The following HJURP variants were observed in gnomAD, a reference collection of about 807,000 sequenced individuals.
HJURP encodes Holliday junction recognition protein, also known as 14-3-3-associated AKT substrate.
Under a neutral mutation model 72.0 loss-of-function variants are expected in HJURP, and 49 were observed. The ratio of observed to expected loss-of-function variants is 0.68; its 90% confidence interval spans 0.54 to 0.86. The LOEUF is 0.86. HJURP is among the 40% of genes least tolerant of loss of function. HJURP has a pLI of 0.00. For synonymous variants in HJURP, 357 were observed against 347.1 expected, an observed-to-expected ratio of 1.03 and a Z score of -0.32; for missense variants, 908 against 936.3, an observed-to-expected ratio of 0.97 and a Z score of 0.39.
intron 8 of HJURP, among the ~76,000 whole-genome samples, chr2:233,839,646 A>G (rs889665300): frequency 2.0e-5 from 3 of 152,226 alleles, no homozygotes; most frequent in Admixed American, 1.3e-4. Context: ...AGCTGGACGC[A>G]CGGCAGGAGC....
At position 233,849,840 on chromosome 2, in the gene HJURP, G is replaced by A. The variant is rs1248541501; in HGVS notation, c.260C>T (p.Ala87Val). Residue 87 changes from alanine to valine, a missense_variant, in exon 4 of 9, where the codon GCG becomes GTG. Ala to Val is a moderately conservative substitution (Grantham distance 64). Transcript: ENST00000411486. ...TTGCACGGAGCCATCTGTCCTGTCC[G>A]CGGGCTTCATGGAGGAGTCCTCCAA... The part of the protein sequence containing the change: ...GEIQDSSMKP[A>V]DRTDGSVQAA... 2.6e-6 allele frequency: 4 copies of A among 1,552,138 alleles called. No individual in the cohort carries two copies. The highest frequency in any genetic ancestry group is 2.4e-5 in the East Asian group (1 of 41,148).
chr2:233,838,057 C>T (rs200885821), intron 8 of HJURP, among the ~76,000 whole-genome samples: 6 of 152,182 alleles, frequency 3.9e-5, no homozygotes, highest in East Asian at 3.9e-4. Context: ...GACGTAAAAA[C>T]GGTTCAGCAT....
Position 233,841,619 on chromosome 2 carries a change from C to G in HJURP, c.1161G>C (p.Leu387Phe), listed in dbSNP as rs1705232952. Residue 387 changes from leucine (L) to phenylalanine (F), a missense_variant, in exon 8 of 9, where the codon TTG (leucine) becomes TTC (phenylalanine). Coordinates refer to ENST00000411486, the MANE Select transcript of HJURP (RefSeq NM_018410.5). ...RKVTPSKYSSLIYFDSSATYN... is the reference protein window; with the variant it reads ...RKVTPSKYSSFIYFDSSATYN... ...ATGTTGCACTGGAGTCGAAGTAAAT[C>G]AAGGAAGAATACTTCGAGGGTGTCA... The G allele has an allele frequency of 6.2e-7, 1 of 1,614,092 alleles. No homozygotes were observed.
At position 233,841,503 on chromosome 2, in the gene HJURP, T is replaced by C. The variant is rs780294579; in HGVS notation, c.1277A>G (p.His426Arg). The C allele has an allele frequency of 3.3e-5, 54 of 1,614,112 alleles. No individual in the cohort carries two copies. The highest frequency in any genetic ancestry group is 4.2e-5 in the Non-Finnish European group (49 of 1,180,040). ...AATCTCCCTCTGACGGTTCTCTCCA[T>C]GGCCCTGTCGTATTGTTGGTCTGGA... The part of the protein sequence containing the change: ...IVSRPTIRQG[H>R]GENRQREIEI... The change falls in exon 8 of 9, where the codon CAT (histidine) becomes CGT (arginine). Residue 426 changes from histidine to arginine, a missense_variant. Coordinates refer to ENST00000411486, the MANE Select transcript of HJURP (RefSeq NM_018410.5).
In HJURP at chr2:233,841,672, A is replaced by C; in HGVS notation, c.1108T>G (p.Leu370Val). The change falls in exon 8 of 9, where the codon TTA becomes GTA. Residue 370 changes from leucine (L) to valine (V), a missense_variant. Physicochemically the swap from Leu to Val is conservative, Grantham distance 32. Transcript: ENST00000411486. ...LEVNRPQIHKLDPSWKERKVT... is the reference protein window; with the variant it reads ...LEVNRPQIHKVDPSWKERKVT... ...TTGCGCTCCTTCCAACTTGGATCTA[A>C]CTTATGGATTTGGGGTCTGTTGACT... 1 of 1,614,218 alleles carries C rather than the reference A, an allele frequency of 6.2e-7. No individual in the cohort carries two copies. Among genetic ancestry groups the C allele is most frequent in the Admixed American group, 1.7e-5 (1 of 60,026 alleles).
chr2:233,837,319 A>AACAAATACC lies in HJURP; in HGVS notation c.*257_*258insGGTATTTGT, dbSNP rs1553643892. 4 of 275,476 alleles carry AACAAATACC rather than the reference A, an allele frequency of 1.5e-5. No homozygotes were observed. The highest frequency in any genetic ancestry group is 8.2e-5 in the African/African-American group (3 of 36,520). The allele number at this position is 275,476 out of a possible 1,614,324, so 17.1% of individuals were successfully genotyped here. ...AAACAAACAAACAAACAAACAAATA[A>AACAAATACC]CCCCCCCCCAAAAAAAACACACACA... On this transcript the variant is annotated 3_prime_UTR_variant, in exon 9 of 9. Transcript: ENST00000411486.
chr2:233,844,640 G>A (rs151193597), intron 6 of HJURP, among the ~76,000 whole-genome samples: 2 of 152,172 alleles, frequency 1.3e-5, no homozygotes, highest in African/African-American at 2.4e-5. Context: ...CAGTAGATCC[G>A]TTCGTTCCTA....
intron 5 of HJURP, 32 bp from the exon 6 acceptor site, chr2:233,845,852 G>T (rs1158348129): frequency 6.9e-7 from 1 of 1,456,308 alleles, no homozygotes; most frequent in African/African-American, 1.4e-5. Flanking sequence ...GAATTTTTAA[G>T]AGCTTCTGAG....
At chr2:233,844,184 C>G in intron 7 of HJURP, 21 bp downstream of exon 7, 1 of 1,609,766 alleles carries the variant, frequency 6.2e-7, no homozygotes, top group Non-Finnish European at 8.5e-7. Flanking sequence ...ACTGTTCATA[C>G]AGTTTCTATG....
chr2:233,841,793 C>T lies in HJURP; in HGVS notation c.987G>A (p.Glu329=). 1 of 1,614,166 alleles carries T rather than the reference C, an allele frequency of 6.2e-7. No homozygotes were observed. The highest frequency in any genetic ancestry group is 8.5e-7 in the Non-Finnish European group (1 of 1,180,010). The change falls in exon 8 of 9, where the codon GAG becomes GAA. Residue 329 remains glutamate (E), a synonymous_variant. Coordinates refer to ENST00000411486, the MANE Select transcript of HJURP (RefSeq NM_018410.5). ...SSKENFIPCS[E]PVKGTGALRD... Reference sequence around the variant, plus strand: ...TTAATGCCCCTGTCCCTTTCACAGGCTCAGAGCAGGGTATGAAGTTCTCCT... The same window carrying T: ...TTAATGCCCCTGTCCCTTTCACAGGTTCAGAGCAGGGTATGAAGTTCTCCT...
chr2:233,844,285 T>G lies in HJURP; in HGVS notation c.496-2A>C, dbSNP rs769625816. The G allele has an allele frequency of 8.7e-6, 14 of 1,613,786 alleles. No homozygotes were observed. The highest frequency in any genetic ancestry group is 1.0e-5 in the Non-Finnish European group (12 of 1,179,718). The stretch of plus-strand genomic sequence containing the variant: ...CCTTCCAGCTCTGTTACCTGCACAC[T>G]GAAATCAGAGCCAGTGGTTACAAGA... On this transcript the variant is annotated splice_acceptor_variant, in intron 6 of 8. Coordinates refer to ENST00000411486, the MANE Select transcript of HJURP (RefSeq NM_018410.5). LOFTEE classifies it high-confidence loss of function.
At chr2:233,848,552 T>C (rs996148439) in intron 4 of HJURP, among the ~76,000 whole-genome samples, 3 of 152,118 alleles carry the variant, frequency 2.0e-5, no homozygotes, top group Non-Finnish European at 2.9e-5. Context: ...CAGGGATGCC[T>C]TGGCCATGAG....
chr2:233,842,036 C>G lies in HJURP; in HGVS notation c.744G>C (p.Gln248His). 6.2e-7 allele frequency: 1 copy of G among 1,614,210 alleles called. No individual in the cohort carries two copies. ...ETSSSSFLSS[Q>H]PFEDDDICNV... Reference sequence around the variant, plus strand: ...TGCAAATGTCATCATCTTCAAAGGGCTGGCTGCTTAAGAAGCTGCTGCTAC... The same window carrying G: ...TGCAAATGTCATCATCTTCAAAGGGGTGGCTGCTTAAGAAGCTGCTGCTAC... Residue 248 changes from glutamine (Q) to histidine (H), a missense_variant, in exon 8 of 9, where the codon CAG becomes CAC. This residue lies in a region of HJURP where 598 missense variants were observed against 619.5 expected (regional missense o/e 0.97). Transcript: ENST00000411486.
At chr2:233,839,066 G>A (rs1355769608) in intron 8 of HJURP, among the ~76,000 whole-genome samples, 2 of 152,258 alleles carry the variant, frequency 1.3e-5, no homozygotes, top group African/African-American at 4.8e-5. Context: ...ACTTACGTAT[G>A]TCCATCCTCA....
Position 233,836,765 on chromosome 2 carries a change from A to C in HJURP, c.*812T>G, listed in dbSNP as rs1380317912. The C allele has an allele frequency of 6.6e-6, 1 of 152,206 alleles. No individual in the cohort carries two copies. The highest frequency in any genetic ancestry group is 6.5e-5 in the Admixed American group (1 of 15,282). 9.4% of individuals were successfully genotyped at this position (152,206 alleles called of 1,614,324 possible). On this transcript the variant is annotated 3_prime_UTR_variant, in exon 9 of 9. Coordinates refer to ENST00000411486, the MANE Select transcript of HJURP (RefSeq NM_018410.5). Reference sequence around the variant, plus strand: ...CCAATGTATTCTGAATATGTGAAATATTTCATTACAAAAACGTCACCATGA... The same window carrying C: ...CCAATGTATTCTGAATATGTGAAATCTTTCATTACAAAAACGTCACCATGA...
chr2:233,852,760 G>C, intron 2 of HJURP, 140 bp from the exon 3 acceptor site: 2 of 608,940 alleles, frequency 3.3e-6, no homozygotes, highest in African/African-American at 1.8e-5. Flanking sequence ...GATACCCTGC[G>C]ATTGTTCCTC....
intron 4 of HJURP, among the ~76,000 whole-genome samples, chr2:233,849,174 GGTGGTAAAGGGAACTGGGCAAAGGGAT>G (rs1001737933): frequency 1.3e-5 from 2 of 152,174 alleles, no homozygotes; most frequent in African/African-American, 4.8e-5. Flanking sequence ...ATTTCACTCT[GGTGGTAAAGGGAACTGGGCAAAGGGAT>G]GTGGCAAGGA....
chr2:233,841,789 C>T lies in HJURP; in HGVS notation c.991G>A (p.Val331Met). 6.2e-7 allele frequency: 1 copy of T among 1,614,192 alleles called. No homozygotes were observed. Among genetic ancestry groups the T allele is most frequent in the Non-Finnish European group, 8.5e-7 (1 of 1,180,010 alleles). ...KENFIPCSEP[V>M]KGTGALRDCK... ...TCTCTTAATGCCCCTGTCCCTTTCA[C>T]AGGCTCAGAGCAGGGTATGAAGTTC... The change falls in exon 8 of 9, where the codon GTG becomes ATG. Residue 331 changes from valine to methionine, a missense_variant. This residue lies in a region of HJURP where 598 missense variants were observed against 619.5 expected (regional missense o/e 0.97). Transcript: ENST00000411486.
chr2:233,843,549 T>A (rs1358325906), intron 7 of HJURP, among the ~76,000 whole-genome samples: 1 of 152,178 alleles, frequency 6.6e-6, no homozygotes, highest in Non-Finnish European at 1.5e-5. Flanking sequence ...GCAAAATTAC[T>A]GGCCTGTGCT....
Sources: gnomAD v4.1 joint callset for allele counts (sites outside exome capture counted in the v4.1 genomes callset) on GRCh38, gnomAD v4.1.1 for gene constraint, gnomAD v4.1.1 regional missense constraint, MANE v1.5 for transcripts, NCBI Gene and HGNC (gene_info 2026-07-23, HGNC 2026-07-21) for gene names.